Variants in PDS5A observed in about 807,000 individuals in gnomAD.
The protein encoded by PDS5A is sister chromatid cohesion protein PDS5 homolog A.
A neutral mutation model predicts 167.1 loss-of-function variants in PDS5A; 42 were observed. That is an observed-to-expected ratio of 0.25 (90% CI 0.20 to 0.33). PDS5A has a LOEUF of 0.33. PDS5A is among the 10% of genes least tolerant of loss of function. PDS5A has a pLI of 1.00. For synonymous variants in PDS5A, 553 were observed against 554.6 expected (o/e 1.00, Z 0.04); for missense variants, 1,033 against 1,605.9 (o/e 0.64, Z 6.10).
At chr4:39,830,759 G>C (rs945547400) in intron 32 of PDS5A, among the ~76,000 whole-genome samples, 1 of 152,028 alleles carries the variant, frequency 6.6e-6, no homozygotes. Context: ...TCTTGTTCTT[G>C]GCATTGGGTG....
At chr4:39,948,312 C>CTTT (rs552182165) in intron 2 of PDS5A, among the ~76,000 whole-genome samples, 92 of 80,928 alleles carry the variant, frequency 1.1e-3, no homozygotes, top group African/African-American at 3.6e-3. Flanking sequence ...TGAATCAAAC[C>CTTT]TTTTTTTTTT....
intron 7 of PDS5A, among the ~76,000 whole-genome samples, chr4:39,917,978 G>A (rs961059380): frequency 2.6e-5 from 4 of 151,996 alleles, no homozygotes; most frequent in African/African-American, 9.7e-5. Flanking sequence ...AGGAGTTGGA[G>A]ACCAGCCTGG....
chr4:39,869,694 T>C (rs1402440213), intron 21 of PDS5A, among the ~76,000 whole-genome samples: 1 of 152,130 alleles, frequency 6.6e-6, no homozygotes, highest in Non-Finnish European at 1.5e-5. Flanking sequence ...GATAGACATA[T>C]AGACTAATGG....
At chr4:39,862,516 G>C (rs1041957981) in intron 25 of PDS5A, among the ~76,000 whole-genome samples, 183 bp from the exon 26 acceptor site, 1 of 152,012 alleles carries the variant, frequency 6.6e-6, no homozygotes, top group Non-Finnish European at 1.5e-5. Flanking sequence ...GTATGCAGTT[G>C]TATTTCACTT....
intron 2 of PDS5A, among the ~76,000 whole-genome samples, chr4:39,961,953 A>C (rs1317475104): frequency 6.6e-6 from 1 of 152,240 alleles, no homozygotes. Flanking sequence ...ATTAAGACCT[A>C]AGTGAGGCTT....
At chr4:39,944,975 G>A (rs1727610406) in intron 2 of PDS5A, among the ~76,000 whole-genome samples, 1 of 151,774 alleles carries the variant, frequency 6.6e-6, no homozygotes, top group East Asian at 1.9e-4. Flanking sequence ...TTGTTTATAG[G>A]AACCACTTGC....
rs1486333239 is a variant in PDS5A, at chr4:39,824,414, CAT to C, written c.*1069_*1070del. On this transcript the variant is annotated 3_prime_UTR_variant, in exon 33 of 33. Transcript: ENST00000303538. ...ACCTATGCTGAACAATGCCAAGAAACATAATATATTGATGCAACAGTTTTCTA... is the reference window on the plus strand; with the variant it reads ...ACCTATGCTGAACAATGCCAAGAAACAATATATTGATGCAACAGTTTTCTA... 2 of 152,098 alleles carry C rather than the reference CAT, an allele frequency of 1.3e-5. No individual in the cohort carries two copies. The highest frequency in any genetic ancestry group is 2.9e-5 in the Non-Finnish European group (2 of 68,000). 9.4% of individuals were successfully genotyped at this position (152,098 alleles called of 1,614,324 possible).
At position 39,825,358 on chromosome 4, in the gene PDS5A, A is replaced by T; in HGVS notation, c.*127T>A. On this transcript the variant is annotated 3_prime_UTR_variant, in exon 33 of 33. Transcript: ENST00000303538. ...GAAGTAATAGTCTCTTTAGTTTTCA[A>T]GGCAGAGAGTGTGTGTTCTGAAGTG... 1 of 667,318 alleles carries T rather than the reference A, an allele frequency of 1.5e-6. No individual in the cohort carries two copies. 41.3% of individuals were successfully genotyped at this position (667,318 alleles called of 1,614,324 possible). A position where few individuals can be genotyped will look rare whatever the true frequency, so the allele number is the denominator to read the frequency against.
In PDS5A at chr4:39,849,553, A is replaced by G; in HGVS notation, c.3186T>C (p.Asp1062=). 1 of 1,611,264 alleles carries G rather than the reference A, an allele frequency of 6.2e-7. No individual in the cohort carries two copies. The highest frequency in any genetic ancestry group is 1.1e-5 in the South Asian group (1 of 91,010). ...TCTTGGATTCATCTGGAGACTGGGC[A>G]TCTCTGGTTAACTTGATGTTCTCTG... ...KMAENIKLTR[D]AQSPDESKTN... Residue 1062 remains aspartate (D), a synonymous_variant, in exon 27 of 33, where the codon GAT becomes GAC. Coordinates refer to ENST00000303538, the MANE Select transcript of PDS5A (RefSeq NM_001100399.2).
Position 39,874,425 on chromosome 4 carries a change from A to G in PDS5A, c.2154-13T>C, listed in dbSNP as rs576607149. ...GGGAATTAAGGTCCTGCAAAAAATA[A>G]TATAGTTGTTTTTTTTTCTTAAACC... On this transcript the variant is annotated splice_polypyrimidine_tract_variant and intron_variant, in intron 19 of 32. Transcript: ENST00000303538. The G allele has an allele frequency of 5.0e-6, 8 of 1,608,034 alleles. No individual in the cohort carries two copies. In the Admixed American group the frequency reaches 1.0e-4, roughly 20 times the overall value.
intron 2 of PDS5A, among the ~76,000 whole-genome samples, chr4:39,964,342 A>G (rs2109813342): frequency 6.6e-6 from 1 of 152,328 alleles, no homozygotes; most frequent in Admixed American, 6.5e-5. Flanking sequence ...GGCTGATTAA[A>G]TTATGTAAAT....
chr4:39,830,724 C>A (rs1019165497), intron 32 of PDS5A, among the ~76,000 whole-genome samples: 1 of 151,908 alleles, frequency 6.6e-6, no homozygotes, highest in Non-Finnish European at 1.5e-5. Context: ...CATGCCCAGC[C>A]CATTTGAACT....
chr4:39,876,746 A>C (rs1720492377), intron 19 of PDS5A, among the ~76,000 whole-genome samples: 1 of 152,240 alleles, frequency 6.6e-6, no homozygotes, highest in Non-Finnish European at 1.5e-5. Context: ...TTGATTCTTA[A>C]TATCTTAAAA....
At chr4:39,843,634 G>A (rs1717268586) in intron 30 of PDS5A, among the ~76,000 whole-genome samples, 1 of 152,114 alleles carries the variant, frequency 6.6e-6, no homozygotes, top group African/African-American at 2.4e-5. Context: ...AAACCAGGAG[G>A]TGGAGGTTGC....
intron 11 of PDS5A, among the ~76,000 whole-genome samples, chr4:39,907,173 A>C (rs2109671393): frequency 1.3e-5 from 2 of 152,314 alleles, no homozygotes; most frequent in Middle Eastern, 6.8e-3. Context: ...GGAATGCCAA[A>C]TAACCACTAG....
chr4:39,827,685 AAAAC>A (rs1258510243), intron 32 of PDS5A, among the ~76,000 whole-genome samples: 1 of 152,200 alleles, frequency 6.6e-6, no homozygotes, highest in African/African-American at 2.4e-5. Flanking sequence ...TGCTTTAAGA[AAAAC>A]AAATTCTAAG....
At position 39,902,327 on chromosome 4, in the gene PDS5A, T is replaced by C; in HGVS notation, c.1499+20A>G. On this transcript the variant is annotated intron_variant, in intron 13 of 32. Coordinates refer to ENST00000303538, the MANE Select transcript of PDS5A (RefSeq NM_001100399.2). ...ACGAAATCCTTAGAAAATACAGCAG[T>C]TATTTGAAAAGTAACTTACTTTACA... 1 of 1,088,712 alleles carries C rather than the reference T, an allele frequency of 9.2e-7. No homozygotes were observed. Among genetic ancestry groups the C allele is most frequent in the Non-Finnish European group, 1.4e-6 (1 of 724,906 alleles). 67.4% of individuals were successfully genotyped at this position (1,088,712 alleles called of 1,614,324 possible).
At chr4:39,939,471 C>T (rs1727011153) in intron 2 of PDS5A, among the ~76,000 whole-genome samples, 1 of 121,672 alleles carries the variant, frequency 8.2e-6, no homozygotes, top group African/African-American at 2.8e-5. Flanking sequence ...TTTCTCAAAA[C>T]CTAAAATGAA....
chr4:39,897,394 A>C (rs1722505966), intron 16 of PDS5A, among the ~76,000 whole-genome samples: 2 of 152,064 alleles, frequency 1.3e-5, no homozygotes, highest in African/African-American at 4.8e-5. Flanking sequence ...CACAGAGACA[A>C]AAATTTTTAT....
Sources: allele counts gnomAD v4.1 joint callset (sites outside exome capture counted in the v4.1 genomes callset), GRCh38; gene constraint gnomAD v4.1.1; transcripts MANE v1.5; gene names NCBI Gene and HGNC (gene_info 2026-07-23, HGNC 2026-07-21).